The following CARD10 variants were observed in gnomAD, a reference collection of about 807,000 sequenced individuals.
CARD10 encodes caspase recruitment domain family member 10, also known as caspase recruitment domain-containing protein 10.
Under a neutral mutation model 114.6 loss-of-function variants are expected in CARD10, and 49 were observed. The ratio of observed to expected loss-of-function variants is 0.43; its 90% CI spans 0.34 to 0.54. CARD10 has a LOEUF of 0.54. Ranked by LOEUF, CARD10 falls within the 20% of genes least tolerant of loss-of-function variation. The pLI, the probability that CARD10 is intolerant of heterozygous loss-of-function variation, is 0.03. For missense variants in CARD10, 1,206 were observed against 1,397.2 expected (o/e 0.86, Z 2.18); for synonymous variants, 602 against 593.2 (o/e 1.01, Z -0.21).
At chr22:37,503,374 C>G (rs1026481561) in intron 9 of CARD10, among the ~76,000 whole-genome samples, 161 bp from the exon 10 acceptor site, 6 of 152,200 alleles carry the variant, frequency 3.9e-5, no homozygotes, top group Non-Finnish European at 8.8e-5. Flanking sequence ...ACCCATGCCA[C>G]CTGGCTCCCC....
At chr22:37,495,168 G>A (rs1447929427) in intron 15 of CARD10, among the ~76,000 whole-genome samples, 8 of 152,178 alleles carry the variant, frequency 5.3e-5, no homozygotes, top group South Asian at 2.1e-4. Flanking sequence ...GGGTTTCACC[G>A]TGTTAGCCAG....
chr22:37,496,813 A>G lies in CARD10; in HGVS notation c.1947+206T>C, dbSNP rs550779792. 1.2e-5 allele frequency: 8 copies of G among 676,144 alleles called. No homozygotes were observed. In the South Asian group the frequency reaches 1.5e-4, roughly 13 times the overall value. 41.9% of individuals were successfully genotyped at this position (676,144 alleles called of 1,614,324 possible). A position where few individuals can be genotyped will look rare whatever the true frequency, so the allele number is the denominator to read the frequency against. ...AAGCGCAGGAATGTAACGTGCTGTC[A>G]GTTGGCTCCACCTCCCAGTCCCTGC... On this transcript the variant is annotated intron_variant, in intron 12 of 19. Transcript: ENST00000251973. The surrounding 1 kb of genome is among the most constrained non-coding windows in gnomAD (Gnocchi z 4.1).
At chr22:37,500,948 G>C (rs1923190662) in intron 11 of CARD10, among the ~76,000 whole-genome samples, 1 of 152,104 alleles carries the variant, frequency 6.6e-6, no homozygotes, top group African/African-American at 2.4e-5. Flanking sequence ...CCATTTTACA[G>C]AGCAGGAAAC....
chr22:37,504,885 G>T, intron 7 of CARD10, 116 bp from the exon 8 acceptor site: 4 of 495,662 alleles, frequency 8.1e-6, no homozygotes, highest in Non-Finnish European at 1.4e-5. Flanking sequence ...TCCTCAGGGA[G>T]CTCACAGCCT....
In CARD10 at chr22:37,501,461, A is replaced by G. The variant is rs559619139; in HGVS notation, c.1787+1141T>C. On this transcript the variant is annotated intron_variant, in intron 11 of 19. Transcript: ENST00000251973. The surrounding 1 kb of genome is among the most constrained non-coding windows in gnomAD (Gnocchi z 5.4). ...GCAAAAACAATGTCTCGCTGAGCCC[A>G]CTGCCGGGGGCCAGGTGGGGGCAGG... Among the ~76,000 whole-genome samples, 1 of 152,206 alleles carries G rather than the reference A, an allele frequency of 6.6e-6. No individual in the cohort carries two copies. Among genetic ancestry groups the G allele is most frequent in the Admixed American group, 6.5e-5 (1 of 15,292 alleles).
At chr22:37,497,720 C>T (rs146402248) in intron 11 of CARD10, among the ~76,000 whole-genome samples, 2,021 of 152,034 alleles carry the variant, frequency 0.013, 44 homozygotes, top group African/African-American at 0.046. Context: ...AAAAATTAGC[C>T]GGGCGTGGTG....
At chr22:37,494,273 C>T (rs984586144) in intron 15 of CARD10, 85 bp from the exon 16 acceptor site, 6 of 890,270 alleles carry the variant, frequency 6.7e-6, no homozygotes, top group African/African-American at 5.0e-5. Flanking sequence ...CCTGGCACAG[C>T]GGGCCCCACT....
Position 37,492,345 on chromosome 22 carries a change from C to T in CARD10, c.2751+90G>A, listed in dbSNP as rs1224910128. ...TGCCAGTGAGCAGCAGAGCATGGCC[C>T]GCGCTCAGACGCTGGCGCTCAAGCC... On this transcript the variant is annotated intron_variant, in intron 18 of 19. Coordinates refer to ENST00000251973, the MANE Select transcript of CARD10 (RefSeq NM_014550.4). This position sits in a 1 kb window ranked among gnomAD's most constrained non-coding sequence, Gnocchi z 5.7. 11 of 966,868 alleles carry T rather than the reference C, an allele frequency of 1.1e-5. No homozygotes were observed. The highest frequency in any genetic ancestry group is 3.2e-5 in the African/African-American group (2 of 61,552). 59.9% of individuals were successfully genotyped at this position (966,868 alleles called of 1,614,324 possible). A position where few individuals can be genotyped will look rare whatever the true frequency, so the allele number is the denominator to read the frequency against.
At chr22:37,518,602 G>A (rs963037144) in intron 1 of CARD10, among the ~76,000 whole-genome samples, 4 of 152,208 alleles carry the variant, frequency 2.6e-5, no homozygotes, top group Non-Finnish European at 5.9e-5. Context: ...GGAGGGGACA[G>A]ACAGAACTCG....
intron 4 of CARD10, 192 bp from the exon 5 acceptor site, chr22:37,508,874 C>T: frequency 8.0e-7 from 1 of 1,253,058 alleles, no homozygotes; most frequent in Non-Finnish European, 1.1e-6. Context: ...ACAAGCCCTA[C>T]CCACCCTCCA....
At chr22:37,497,303 C>A in intron 11 of CARD10, 125 bp from the exon 12 acceptor site, 1 of 936,368 alleles carries the variant, frequency 1.1e-6, no homozygotes, top group East Asian at 2.6e-5. Flanking sequence ...CCAGGCCTCT[C>A]CATCTTCTGT....
intron 3 of CARD10, 21 bp downstream of exon 3, chr22:37,515,947 CCCCGA>C: frequency 6.6e-7 from 1 of 1,526,056 alleles, no homozygotes; most frequent in Non-Finnish European, 8.9e-7. Flanking sequence ...TCCCTTGCCT[CCCCGA>C]CCCATCTCCC....
Position 37,496,577 on chromosome 22 carries a change from G to C in CARD10, c.1948-17C>G. On this transcript the variant is annotated splice_polypyrimidine_tract_variant and intron_variant, in intron 12 of 19. Coordinates refer to ENST00000251973, the MANE Select transcript of CARD10 (RefSeq NM_014550.4). This position sits in a 1 kb window ranked among gnomAD's most constrained non-coding sequence, Gnocchi z 4.1. Reference sequence around the variant, plus strand: ...CACCCTTTGCTGGGAGAAAACCCAGGCAGGGAGGGAAAGAAGTGAGCCTCT... The same window carrying C: ...CACCCTTTGCTGGGAGAAAACCCAGCCAGGGAGGGAAAGAAGTGAGCCTCT... The C allele has an allele frequency of 6.3e-7, 1 of 1,583,226 alleles. No individual in the cohort carries two copies. The highest frequency in any genetic ancestry group is 8.7e-7 in the Non-Finnish European group (1 of 1,154,190).
At position 37,501,562 on chromosome 22, in the gene CARD10, C is replaced by T. The variant is rs1345615849; in HGVS notation, c.1787+1040G>A. ...TATGCTGTACCCATCTGCTGCGTGA[C>T]CCATCCCTCTGCACCCAACACCTCC... On this transcript the variant is annotated intron_variant, in intron 11 of 19. Coordinates refer to ENST00000251973, the MANE Select transcript of CARD10 (RefSeq NM_014550.4). The surrounding 1 kb of genome is among the most constrained non-coding windows in gnomAD (Gnocchi z 5.4). Among the ~76,000 whole-genome samples the T allele has an allele frequency of 6.6e-6, 1 of 152,212 alleles. No individual in the cohort carries two copies. The highest frequency in any genetic ancestry group is 6.5e-5 in the Admixed American group (1 of 15,284).
chr22:37,518,001 C>T lies in CARD10; in HGVS notation c.343G>A (p.Glu115Lys). 6.2e-7 allele frequency: 1 copy of T among 1,614,054 alleles called. No individual in the cohort carries two copies. Among genetic ancestry groups the T allele is most frequent in the Non-Finnish European group, 8.5e-7 (1 of 1,180,000 alleles). The change falls in exon 2 of 20, where the codon GAA becomes AAA. Residue 115 changes from glutamate (E) to lysine (K), a missense_variant. By Grantham distance (56) the Glu-to-Lys change is moderately conservative. Transcript: ENST00000251973. ...ATCATGGAGCAGCGCTGGGCGGGTT[C>T]CTGGCCCGTGAGCAGCGTGAAGTGT... is the stretch of plus-strand genomic sequence containing the variant. ...PEHFTLLTGQEPAQRCSMILD... is the reference protein window; with the variant it reads ...PEHFTLLTGQKPAQRCSMILD...
At chr22:37,498,426 TGGA>T (rs1171567816) in intron 11 of CARD10, among the ~76,000 whole-genome samples, 2 of 152,164 alleles carry the variant, frequency 1.3e-5, no homozygotes, top group East Asian at 3.9e-4. Context: ...CACCTTGGCC[TGGA>T]GGAGGTGGGG....
chr22:37,500,621 C>T (rs996106918), intron 11 of CARD10, among the ~76,000 whole-genome samples: 1 of 152,138 alleles, frequency 6.6e-6, no homozygotes, highest in African/African-American at 2.4e-5. Flanking sequence ...GTGCCCAGTA[C>T]AAAGTGGGCA....
Position 37,495,887 on chromosome 22 carries a change from C to G in CARD10, c.2176G>C (p.Val726Leu). Residue 726 changes from valine (V) to leucine (L), a missense_variant, in exon 14 of 20, where the codon GTG (valine) becomes CTG (leucine). This residue lies in a region of CARD10 where 1,068 missense variants were observed against 1,179.1 expected (regional missense o/e 0.91). Transcript: ENST00000251973. ...AGTCGAAGGATCTCTTGGGCTTTCA[C>G]GCAAAGGGCATGGGGATCTGCCCTC... ...PERADPHALC[V>L]KAQEILRLVD... 1 of 1,614,158 alleles carries G rather than the reference C, an allele frequency of 6.2e-7. No individual in the cohort carries two copies. The highest frequency in any genetic ancestry group is 8.5e-7 in the Non-Finnish European group (1 of 1,180,052).
At chr22:37,517,906 G>A (rs1441558105) in intron 2 of CARD10, 65 bp downstream of exon 2, 3 of 1,576,338 alleles carry the variant, frequency 1.9e-6, no homozygotes, top group Non-Finnish European at 2.6e-6. Context: ...CTCCCTAACA[G>A]GGATGGGGAA....
Sources: gnomAD v4.1 joint callset for allele counts (sites outside exome capture counted in the v4.1 genomes callset) on GRCh38, gnomAD v4.1.1 for gene constraint, gnomAD v4.1.1 regional missense constraint, Gnocchi (gnomAD v3.1) non-coding constraint, MANE v1.5 for transcripts, NCBI Gene and HGNC (gene_info 2026-07-23, HGNC 2026-07-21) for gene names.